The following PCDH15 variants were observed in gnomAD, a reference collection of about 807,000 sequenced individuals.
PCDH15 encodes protocadherin-15.
In PCDH15, 129 loss-of-function variants were observed where a neutral mutation model predicts 178.5. The ratio of observed to expected loss-of-function variants is 0.72; its 90% confidence interval spans 0.63 to 0.84. The LOEUF (loss-of-function observed/expected upper bound fraction) is 0.84, where lower values mean the gene tolerates loss of function less well. Among genes scored for constraint, PCDH15 ranks in the 40% least tolerant of loss-of-function variants. The probability of loss-of-function intolerance (pLI) is 0.00; values close to 1 mark genes in which losing one functional copy is unlikely to be tolerated. For synonymous variants in PCDH15, 800 were observed against 732.0 expected, an observed-to-expected ratio of 1.09 and a Z score of -1.50; for missense variants, 2,230 against 2,099.9, an observed-to-expected ratio of 1.06 and a Z score of -1.21.
chr10:55,622,957 A>G (rs1837437713), intron 2 of PCDH15, among the ~76,000 whole-genome samples: 1 of 152,212 alleles, frequency 6.6e-6, no homozygotes, highest in South Asian at 2.1e-4. Context: ...AAGAAATGGC[A>G]TACCAAGACA....
intron 1 of PCDH15, among the ~76,000 whole-genome samples, chr10:55,256,177 G>C (rs1167841877): frequency 6.6e-6 from 1 of 152,180 alleles, no homozygotes; most frequent in African/African-American, 2.4e-5. Flanking sequence ...TGGCTAACCA[G>C]TTTTCCCAGC....
intron 8 of PCDH15, among the ~76,000 whole-genome samples, chr10:54,314,281 G>T (rs578052224): frequency 7.4e-4 from 112 of 151,818 alleles, no homozygotes; most frequent in African/African-American, 2.6e-3. Flanking sequence ...AGAAATTTTC[G>T]AATGAAACAA....
At chr10:53,863,523 A>G (rs2079240227) in intron 27 of PCDH15, among the ~76,000 whole-genome samples, 1 of 152,152 alleles carries the variant, frequency 6.6e-6, no homozygotes, top group African/African-American at 2.4e-5. Context: ...AAACACTCTT[A>G]TGATTAGAGG....
rs561850011 is a variant in PCDH15, at chr10:54,918,641, A to G, written c.-79-21141T>C. Among the ~76,000 whole-genome samples the G allele has an allele frequency of 9.9e-4, 151 of 152,300 alleles. 1 individual carries two copies. Among genetic ancestry groups the G allele is most frequent in the African/African-American group, 3.4e-3 (140 of 41,588 alleles). ...AACACCAGCATGAGCCATATTAAAC[A>G]TATGCTTCTAATTGCATGTAGCTAC... On this transcript the variant is annotated intron_variant, in intron 2 of 5. Transcript: ENST00000458638.
In PCDH15 at chr10:54,020,285, T is replaced by G. The variant is rs753486321; in HGVS notation, c.2658A>C (p.Pro886=). 3 of 1,613,816 alleles carry G rather than the reference T, an allele frequency of 1.9e-6. No homozygotes were observed. The East Asian group carries it at 6.7e-5, about 36-fold the overall frequency. The change falls in exon 20 of 38, where the codon CCA becomes CCC. Residue 886 remains proline (P), a synonymous_variant. Transcript: ENST00000644397. ...LLRSLDYEAF[P]DQEASITFLV... The stretch of plus-strand genomic sequence containing the variant: ...GAAAAGTGATACTTGCTTCTTGGTC[T>G]GGAAATGCCTCATAATCTAAACTCC...
chr10:54,095,240 A>G (rs1270625189), intron 15 of PCDH15, among the ~76,000 whole-genome samples: 1 of 152,158 alleles, frequency 6.6e-6, no homozygotes, highest in Non-Finnish European at 1.5e-5. Flanking sequence ...AAAAATGTAT[A>G]CATTCATTCC....
chr10:54,779,410 A>ATATATATACACACATATATGTG (rs1950042475), intron 1 of PCDH15, among the ~76,000 whole-genome samples: 2 of 106,012 alleles, frequency 1.9e-5, no homozygotes, highest in African/African-American at 3.7e-5. Flanking sequence ...ATATATGTAT[A>ATATATATACACACATATATGTG]TATATATATA....
chr10:54,035,155 C>G (rs1403340565), intron 18 of PCDH15, among the ~76,000 whole-genome samples: 2 of 151,780 alleles, frequency 1.3e-5, no homozygotes, highest in Non-Finnish European at 1.5e-5. Context: ...CAGGAGCAGT[C>G]TAGTCAGTAG....
intron 2 of PCDH15, among the ~76,000 whole-genome samples, chr10:55,393,697 C>T (rs963136566): frequency 6.6e-6 from 1 of 152,122 alleles, no homozygotes; most frequent in African/African-American, 2.4e-5. Flanking sequence ...TTATCAGATT[C>T]CTCCTAAATC....
intron 2 of PCDH15, among the ~76,000 whole-genome samples, chr10:54,603,791 A>G (rs770506196): frequency 2.6e-5 from 4 of 151,892 alleles, no homozygotes; most frequent in Non-Finnish European, 5.9e-5. Context: ...CACCTATCTG[A>G]CCCAGATTTT....
chr10:55,316,668 C>A (rs1168562967), intron 1 of PCDH15, among the ~76,000 whole-genome samples: 1 of 152,052 alleles, frequency 6.6e-6, no homozygotes, highest in East Asian at 1.9e-4. Flanking sequence ...GATACAGAGG[C>A]TGTTAATTCA....
intron 8 of PCDH15, among the ~76,000 whole-genome samples, chr10:54,303,587 T>A (rs902164907): frequency 6.6e-6 from 1 of 152,094 alleles, no homozygotes; most frequent in Non-Finnish European, 1.5e-5. Flanking sequence ...TACTCTGCAA[T>A]GTATACAAGA....
At chr10:54,796,222 T>TTATCTATC (rs59479208) in intron 1 of PCDH15, among the ~76,000 whole-genome samples, 2,089 of 125,308 alleles carry the variant, frequency 0.017, 61 homozygotes, top group East Asian at 0.029. Context: ...TCTTTCTACA[T>TTATCTATC]TATCTATCTA....
At chr10:53,975,936 A>C (rs1185386917) in intron 21 of PCDH15, among the ~76,000 whole-genome samples, 2 of 152,112 alleles carry the variant, frequency 1.3e-5, no homozygotes, top group South Asian at 2.1e-4. Context: ...CATATCAAAA[A>C]AATTTTTGTA....
At chr10:55,046,833 A>G (rs1841018328) in intron 2 of PCDH15, among the ~76,000 whole-genome samples, 1 of 152,006 alleles carries the variant, frequency 6.6e-6, no homozygotes, top group Non-Finnish European at 1.5e-5. Context: ...TCACCTTCCT[A>G]AAAAATCATA....
intron 2 of PCDH15, among the ~76,000 whole-genome samples, chr10:55,094,477 C>T (rs967252835): frequency 1.3e-5 from 2 of 151,726 alleles, no homozygotes; most frequent in Admixed American, 6.6e-5. Flanking sequence ...ACCAACATGG[C>T]ACATGTACAT....
chr10:55,052,505 G>C (rs1841189200), intron 2 of PCDH15, among the ~76,000 whole-genome samples: 1 of 3,112 alleles, frequency 3.2e-4, no homozygotes, highest in African/African-American at 7.1e-4. Flanking sequence ...TTCAAGACCA[G>C]CCTGGCAACA....
At chr10:53,836,038 G>A (rs1440115160) in intron 29 of PCDH15, among the ~76,000 whole-genome samples, 2 of 152,126 alleles carry the variant, frequency 1.3e-5, no homozygotes, top group Non-Finnish European at 2.9e-5. Context: ...GGAGGAGGAA[G>A]TGTGCCCATC....
At position 54,195,826 on chromosome 10, in the gene PCDH15, C is replaced by T; in HGVS notation, c.1162G>A (p.Glu388Lys). The change falls in exon 11 of 38, where the codon GAA becomes AAA. Residue 388 changes from glutamate (E) to lysine (K), a missense_variant. Glu to Lys is a moderately conservative substitution (Grantham distance 56). Coordinates refer to ENST00000644397, the MANE Select transcript of PCDH15 (RefSeq NM_001384140.1). ...GTAAAATATGGACTTTGATTGTTTT[C>T]ATCCAGTATTTCAATGTGTAGACCG... Reference protein sequence around the residue: ...FAGLHIEILDENNQSPYFTMP... With the variant: ...FAGLHIEILDKNNQSPYFTMP... 1 of 1,614,000 alleles carries T rather than the reference C, an allele frequency of 6.2e-7. No individual in the cohort carries two copies. Among genetic ancestry groups the T allele is most frequent in the Non-Finnish European group, 8.5e-7 (1 of 1,179,922 alleles).
Sources: gnomAD v4.1 joint callset for allele counts (sites outside exome capture counted in the v4.1 genomes callset) on GRCh38, gnomAD v4.1.1 for gene constraint, MANE v1.5 for transcripts, NCBI Gene and HGNC (gene_info 2026-07-23, HGNC 2026-07-21) for gene names.